Variants in XXYLT1 observed in about 807,000 individuals in gnomAD.
XXYLT1 encodes the protein UDP-xylose:alpha-xyloside alpha-1,3-xylosyltransferase.
XXYLT1 carries 20 observed loss-of-function variants against 28.9 expected under a neutral mutation model. The observed-to-expected ratio is 0.69, with a 90% CI of 0.49 to 1.00. XXYLT1 has a LOEUF of 1.00. XXYLT1 is among the 50% of genes least tolerant of loss of function. XXYLT1 has a pLI of 0.00. For synonymous variants in XXYLT1, 257 were observed against 253.8 expected (o/e 1.01, Z -0.12); for missense variants, 542 against 560.1 (o/e 0.97, Z 0.33).
At chr3:195,132,553 CA>C (rs1320627031) in intron 3 of XXYLT1, among the ~76,000 whole-genome samples, 2 of 152,128 alleles carry the variant, frequency 1.3e-5, no homozygotes, top group Admixed American at 1.3e-4. Context: ...GTTATTATTA[CA>C]AACTATGTCT....
At chr3:195,208,607 G>T (rs1723174845) in intron 2 of XXYLT1, among the ~76,000 whole-genome samples, 1 of 152,146 alleles carries the variant, frequency 6.6e-6, no homozygotes, top group African/African-American at 2.4e-5. Flanking sequence ...GAACAGAAAA[G>T]CACATTTTTA....
At chr3:195,219,382 A>G (rs986475795) in intron 2 of XXYLT1, among the ~76,000 whole-genome samples, 1 of 152,250 alleles carries the variant, frequency 6.6e-6, no homozygotes, top group African/African-American at 2.4e-5. Context: ...GGCTTTTACT[A>G]CATTTGTCAA....
At chr3:195,186,847 G>T (rs907319262) in intron 2 of XXYLT1, among the ~76,000 whole-genome samples, 16 of 151,226 alleles carry the variant, frequency 1.1e-4, no homozygotes, top group African/African-American at 3.6e-4. Context: ...AAGTGCTGGT[G>T]ATAACCTCTC....
intron 2 of XXYLT1, among the ~76,000 whole-genome samples, chr3:195,161,523 G>A (rs1250958590): frequency 6.6e-6 from 1 of 151,754 alleles, no homozygotes; most frequent in African/African-American, 2.4e-5. Context: ...GAAGACTATT[G>A]GGATTCTCTT....
At position 195,184,254 on chromosome 3, in the gene XXYLT1, A is replaced by G. The variant is rs77799835; in HGVS notation, c.653-27673T>C. 6.6e-4 allele frequency among the ~76,000 whole-genome samples: 100 copies of G among 152,364 alleles called. No homozygotes were observed. In the East Asian group the frequency reaches 0.019, roughly 29 times the overall value. On this transcript the variant is annotated intron_variant, in intron 2 of 3. Transcript: ENST00000310380. ...CAAAAGAACAATGGACAAGCTTGGC[A>G]ATTGCTTCAGTTTTACAACAGACGA... is the stretch of plus-strand genomic sequence containing the variant.
rs928789716 is a variant in XXYLT1, at chr3:195,150,448, C to T, written c.785+6001G>A. Among the ~76,000 whole-genome samples the T allele has an allele frequency of 3.9e-5, 6 of 152,176 alleles. No individual in the cohort carries two copies. The South Asian group carries it at 8.3e-4, about 21-fold the overall frequency. On this transcript the variant is annotated intron_variant, in intron 3 of 3. Transcript: ENST00000310380. The surrounding 1 kb of genome is among the most constrained non-coding windows in gnomAD (Gnocchi z 4.7). Reference sequence around the variant, plus strand: ...GCAGCCTGCAGAGAAGCTTTCCTTCCGAGCGTCTGGAAGAACCCGAGGCTG... The same window carrying T: ...GCAGCCTGCAGAGAAGCTTTCCTTCTGAGCGTCTGGAAGAACCCGAGGCTG...
In XXYLT1 at chr3:195,249,635, C is replaced by T. The variant is rs368809058; in HGVS notation, c.504+20920G>A. On this transcript the variant is annotated intron_variant, in intron 1 of 3. Transcript: ENST00000310380. ...AAAGCCCAGATTTCAGCCCACGTCT[C>T]GCCGATTCCAGAACACACTCAACCT... is the stretch of plus-strand genomic sequence containing the variant. Among the ~76,000 whole-genome samples, 41 of 152,340 alleles carry T rather than the reference C, an allele frequency of 2.7e-4. No homozygotes were observed. In the South Asian group the frequency reaches 7.9e-3, roughly 29 times the overall value.
intron 3 of XXYLT1, among the ~76,000 whole-genome samples, chr3:195,075,247 C>T (rs561598668): frequency 5.3e-5 from 8 of 152,212 alleles, no homozygotes; most frequent in South Asian, 4.1e-4. Flanking sequence ...AGTGAAACTC[C>T]GTCTCAAGAA....
At chr3:195,260,074 T>C (rs1725628106) in intron 1 of XXYLT1, 1 of 151,804 alleles carries the variant, frequency 6.6e-6, no homozygotes, top group Admixed American at 6.6e-5. Flanking sequence ...TTCAGTTCAG[T>C]GCTTTCGAAA....
At chr3:195,226,893 C>T (rs778293674) in intron 1 of XXYLT1, 37 bp from the exon 2 acceptor site, 1 of 1,605,084 alleles carries the variant, frequency 6.2e-7, no homozygotes. Context: ...GCTCAGCAAA[C>T]CAGTTCTCAC....
At position 195,078,203 on chromosome 3, in the gene XXYLT1, G is replaced by T. The variant is rs926950425; in HGVS notation, c.786-8092C>A. Among the ~76,000 whole-genome samples, 3 of 152,122 alleles carry T rather than the reference G, an allele frequency of 2.0e-5. No individual in the cohort carries two copies. The East Asian group carries it at 5.8e-4, about 29-fold the overall frequency. Reference sequence around the variant, plus strand: ...AACAGCAATGTGGAGGAGCCCAGCAGGTGGCTGGAGGTACCGGCCATAAGC... The same window carrying T: ...AACAGCAATGTGGAGGAGCCCAGCATGTGGCTGGAGGTACCGGCCATAAGC... On this transcript the variant is annotated intron_variant, in intron 3 of 3. Transcript: ENST00000310380. The surrounding 1 kb of genome is among the most constrained non-coding windows in gnomAD (Gnocchi z 5.0).
intron 2 of XXYLT1, among the ~76,000 whole-genome samples, chr3:195,179,927 C>T (rs998748384): frequency 6.6e-6 from 1 of 152,214 alleles, no homozygotes; most frequent in Non-Finnish European, 1.5e-5. Context: ...GGATGCCTCC[C>T]CGTGATCCCT....
chr3:195,104,259 G>A (rs1716970559), intron 3 of XXYLT1, among the ~76,000 whole-genome samples: 1 of 149,774 alleles, frequency 6.7e-6, no homozygotes, highest in Non-Finnish European at 1.5e-5. Context: ...TTTATGAGAG[G>A]GCAGATGCCA....
intron 2 of XXYLT1, among the ~76,000 whole-genome samples, chr3:195,198,073 A>T (rs1722703721): frequency 6.6e-6 from 1 of 152,244 alleles, no homozygotes; most frequent in South Asian, 2.1e-4. Flanking sequence ...AACAGAAGAT[A>T]ATCCAATAAC....
At chr3:195,107,619 A>G (rs1327717827) in intron 3 of XXYLT1, among the ~76,000 whole-genome samples, 1 of 15,082 alleles carries the variant, frequency 6.6e-5, no homozygotes, top group Non-Finnish European at 1.1e-4. Context: ...GGGGAGGAGG[A>G]GGGGGAGGAG....
At chr3:195,213,509 C>T (rs1723424557) in intron 2 of XXYLT1, among the ~76,000 whole-genome samples, 1 of 152,182 alleles carries the variant, frequency 6.6e-6, no homozygotes, top group African/African-American at 2.4e-5. Context: ...GGTGATCCAC[C>T]TGCCTCAGCC....
At chr3:195,120,880 T>C (rs535698071) in intron 3 of XXYLT1, among the ~76,000 whole-genome samples, 1 of 152,316 alleles carries the variant, frequency 6.6e-6, no homozygotes, top group Admixed American at 6.5e-5. Flanking sequence ...CCCCGCCCTG[T>C]TCCCAGACAG....
chr3:195,136,069 C>T (rs567049664), intron 3 of XXYLT1, among the ~76,000 whole-genome samples: 8 of 152,260 alleles, frequency 5.3e-5, no homozygotes, highest in East Asian at 3.9e-4. Flanking sequence ...CAGCCATGCA[C>T]GGCTGCCTTT....
At chr3:195,241,630 G>A (rs534192034) in intron 1 of XXYLT1, among the ~76,000 whole-genome samples, 1 of 152,066 alleles carries the variant, frequency 6.6e-6, no homozygotes. Context: ...ACCCATGCCA[G>A]ACACCTGAAC....
Sources: allele counts gnomAD v4.1 joint callset (sites outside exome capture counted in the v4.1 genomes callset), GRCh38; gene constraint gnomAD v4.1.1; non-coding constraint Gnocchi (gnomAD v3.1); transcripts MANE v1.5; gene names NCBI Gene and HGNC (gene_info 2026-07-23, HGNC 2026-07-21).